Variants in ZSWIM8 observed in about 807,000 individuals in gnomAD.
The protein encoded by ZSWIM8 is zinc finger SWIM-type containing 8, also known as zinc finger SWIM domain-containing protein 8.
In ZSWIM8, 27 loss-of-function variants were observed where a neutral mutation model predicts 173.7. That is an observed-to-expected ratio of 0.16 (90% CI 0.11 to 0.21). The LOEUF (loss-of-function observed/expected upper bound fraction) is 0.21, where lower values mean the gene tolerates loss of function less well. Among genes scored for constraint, ZSWIM8 ranks in the 10% least tolerant of loss-of-function variants. ZSWIM8 has a pLI of 1.00. For missense variants in ZSWIM8, 1,627 were observed against 2,428.8 expected (o/e 0.67, Z 6.94); for synonymous variants, 958 against 962.0 (o/e 1.00, Z 0.08).
rs2083731052 is a variant in ZSWIM8 at position 73,797,665 on chromosome 10, A to G, written c.3662+60A>G. On this transcript the variant is annotated intron_variant, in intron 18 of 25. Transcript: ENST00000604729. This position sits in a 1 kb window ranked among gnomAD's most constrained non-coding sequence, Gnocchi z 5.6. Reference sequence around the variant, plus strand: ...GGCCCACCCTCAGAGCCACACCCCTAGTGCAATCCAACCATTGTCTCCCAG... The same window carrying G: ...GGCCCACCCTCAGAGCCACACCCCTGGTGCAATCCAACCATTGTCTCCCAG... The G allele has an allele frequency of 1.3e-6, 2 of 1,583,294 alleles. No homozygotes were observed. Among genetic ancestry groups the G allele is most frequent in the South Asian group, 2.3e-5 (2 of 87,926 alleles).
chr10:73,790,157 GC>G lies in ZSWIM8; in HGVS notation c.821-13del, dbSNP rs769733558. On this transcript the variant is annotated splice_polypyrimidine_tract_variant and intron_variant, in intron 6 of 25. Coordinates refer to ENST00000604729, the MANE Select transcript of ZSWIM8 (RefSeq NM_001367799.1). ...GGCCCCTATCTCTAGATGACTGACT[GC>G]CTGTCATCCTCAGACCCCACAGCAG... is the stretch of plus-strand genomic sequence containing the variant. 27 of 1,610,602 alleles carry G rather than the reference GC, an allele frequency of 1.7e-5. No individual in the cohort carries two copies. Among genetic ancestry groups the G allele is most frequent in the Non-Finnish European group, 2.3e-5 (27 of 1,177,934 alleles).
Position 73,796,770 on chromosome 10 carries a change from C to G in ZSWIM8, c.3034-4C>G. 3.1e-6 allele frequency: 5 copies of G among 1,612,504 alleles called. No individual in the cohort carries two copies. The highest frequency in any genetic ancestry group is 4.2e-6 in the Non-Finnish European group (5 of 1,179,822). On this transcript the variant is annotated splice_polypyrimidine_tract_variant and splice_region_variant and intron_variant, in intron 15 of 25. Transcript: ENST00000604729. The stretch of plus-strand genomic sequence containing the variant: ...CTCTGGAGGTCACTGCTTCTGTCTT[C>G]CAGATCTTAGACAAACTCTTGGACC...
chr10:73,794,413 G>C (rs2083533582), intron 13 of ZSWIM8, 83 bp downstream of exon 13: 3 of 1,570,456 alleles, frequency 1.9e-6, no homozygotes, highest in Admixed American at 1.8e-5. Flanking sequence ...CCAAGTTTCT[G>C]AATCACCTTT....
chr10:73,791,243 C>G lies in ZSWIM8; in HGVS notation c.1143+67C>G. 1 of 1,569,492 alleles carries G rather than the reference C, an allele frequency of 6.4e-7. No homozygotes were observed. Among genetic ancestry groups the G allele is most frequent in the Admixed American group, 1.7e-5 (1 of 57,456 alleles). ...TTCCCTCCCCCTGCCTCATCCTCCT[C>G]TTGCTGAAATGGACTCTGGGAGGGC... On this transcript the variant is annotated intron_variant, in intron 8 of 25. Transcript: ENST00000604729. This position sits in a 1 kb window ranked among gnomAD's most constrained non-coding sequence, Gnocchi z 6.0.
Position 73,789,949 on chromosome 10 carries a change from C to G in ZSWIM8, c.739-7C>G, listed in dbSNP as rs1393753921. 2 of 1,612,032 alleles carry G rather than the reference C, an allele frequency of 1.2e-6. No individual in the cohort carries two copies. Among genetic ancestry groups the G allele is most frequent in the Non-Finnish European group, 1.7e-6 (2 of 1,179,034 alleles). On this transcript the variant is annotated splice_polypyrimidine_tract_variant and splice_region_variant and intron_variant, in intron 5 of 25. Coordinates refer to ENST00000604729, the MANE Select transcript of ZSWIM8 (RefSeq NM_001367799.1). This position sits in a 1 kb window ranked among gnomAD's most constrained non-coding sequence, Gnocchi z 6.8. Reference sequence around the variant, plus strand: ...GTTCTGCCTGCCTCCGTCTCTTTCTCCCTCAGATCCTCCCCACAGCTCAGC... The same window carrying G: ...GTTCTGCCTGCCTCCGTCTCTTTCTGCCTCAGATCCTCCCCACAGCTCAGC...
chr10:73,795,044 C>T (rs556960092), intron 14 of ZSWIM8: 182 of 181,688 alleles, frequency 1.0e-3, no homozygotes, highest in African/African-American at 4.2e-3. Flanking sequence ...ATTGAGGCTG[C>T]AGTGAACTGT....
intron 20 of ZSWIM8, 74 bp from the exon 21 acceptor site, chr10:73,798,928 A>G (rs899906943): frequency 6.6e-7 from 1 of 1,525,298 alleles, no homozygotes; most frequent in Non-Finnish European, 8.8e-7. Context: ...TGAGGGAGAC[A>G]TTGGAATCTC....
Position 73,797,075 on chromosome 10 carries a change from T to A in ZSWIM8, c.3275-38T>A. Reference sequence around the variant, plus strand: ...TGTGGACCTATGTTGAGGTCCCCTTTCCTGGGCTCATCCCAGCGTCCTGTT... The same window carrying A: ...TGTGGACCTATGTTGAGGTCCCCTTACCTGGGCTCATCCCAGCGTCCTGTT... On this transcript the variant is annotated intron_variant, in intron 16 of 25. Transcript: ENST00000604729. This position sits in a 1 kb window ranked among gnomAD's most constrained non-coding sequence, Gnocchi z 5.6. 1 of 1,613,176 alleles carries A rather than the reference T, an allele frequency of 6.2e-7. No individual in the cohort carries two copies. The highest frequency in any genetic ancestry group is 8.5e-7 in the Non-Finnish European group (1 of 1,179,432).
chr10:73,797,390 T>C lies in ZSWIM8; in HGVS notation c.3447T>C (p.Ile1149=), dbSNP rs747448688. 1.9e-6 allele frequency: 3 copies of C among 1,613,890 alleles called. No individual in the cohort carries two copies. The highest frequency in any genetic ancestry group is 2.5e-6 in the Non-Finnish European group (3 of 1,179,830). Residue 1149 remains isoleucine, a synonymous_variant, in exon 18 of 26, where the codon ATT becomes ATC. Transcript: ENST00000604729. This position sits in a 1 kb window ranked among gnomAD's most constrained non-coding sequence, Gnocchi z 5.6. ...PKKKHTGMAS[I]DSSAPETTSD... ...CTTGGGGGTTAGGCATGGCCAGCAT[T>C]GACAGCAGTGCCCCTGAAACAACAT... is the stretch of plus-strand genomic sequence containing the variant.
chr10:73,785,911 A>G lies in ZSWIM8; in HGVS notation c.33A>G (p.Gly11=). 1.3e-6 allele frequency: 2 copies of G among 1,549,596 alleles called. No homozygotes were observed. The highest frequency in any genetic ancestry group is 2.5e-5 in the East Asian group (1 of 40,560). MELMFAEWED[G]ERFSFEDSDR... Reference sequence around the variant, plus strand: ...TGATGTTTGCAGAGTGGGAGGACGGAGAGCGCTTCTCATTCGAGGATTCGG... The same window carrying G: ...TGATGTTTGCAGAGTGGGAGGACGGGGAGCGCTTCTCATTCGAGGATTCGG... The change falls in exon 1 of 26, where the codon GGA becomes GGG. Residue 11 remains glycine (G), a synonymous_variant. Transcript: ENST00000604729.
chr10:73,798,211 T>G lies in ZSWIM8; in HGVS notation c.3953-19T>G. ...TGCCCACACTAACCCAACTCTGCCCTTCTCTCCTTTCCCCTAAGGCCAGGC... is the reference window on the plus strand; with the variant it reads ...TGCCCACACTAACCCAACTCTGCCCGTCTCTCCTTTCCCCTAAGGCCAGGC... On this transcript the variant is annotated intron_variant, in intron 19 of 25. Transcript: ENST00000604729. 1.2e-6 allele frequency: 2 copies of G among 1,612,806 alleles called. No individual in the cohort carries two copies. The highest frequency in any genetic ancestry group is 2.2e-5 in the South Asian group (2 of 91,044).
chr10:73,800,219 G>T lies in ZSWIM8; in HGVS notation c.4825+49G>T. The T allele has an allele frequency of 1.2e-6, 2 of 1,612,306 alleles. No individual in the cohort carries two copies. Among genetic ancestry groups the T allele is most frequent in the Non-Finnish European group, 1.7e-6 (2 of 1,178,832 alleles). Reference sequence around the variant, plus strand: ...GGTGAATGGAGGGGAGGCACACTGGGCAGGGGAGGTGGGGAGGGAATGTTC... The same window carrying T: ...GGTGAATGGAGGGGAGGCACACTGGTCAGGGGAGGTGGGGAGGGAATGTTC... On this transcript the variant is annotated intron_variant, in intron 22 of 25. Coordinates refer to ENST00000604729, the MANE Select transcript of ZSWIM8 (RefSeq NM_001367799.1). The surrounding 1 kb of genome is among the most constrained non-coding windows in gnomAD (Gnocchi z 4.1).
In ZSWIM8 at chr10:73,791,966, G is replaced by A. The variant is rs1237350293; in HGVS notation, c.1427G>A (p.Arg476Gln). ...CTGGAGCGGCTCTTCCCCGGCTTCC[G>A]GCCAGCGGTGGAGGCCTGCTACTTC... Reference protein sequence around the residue: ...KTLERLFPGFRPAVEACYFNW... With the variant: ...KTLERLFPGFQPAVEACYFNW... Residue 476 changes from arginine (R) to glutamine (Q), a missense_variant, in exon 10 of 26, where the codon CGG becomes CAG. This residue lies in a region of ZSWIM8 where 103 missense variants were observed against 155.6 expected (regional missense o/e 0.66). Coordinates refer to ENST00000604729, the MANE Select transcript of ZSWIM8 (RefSeq NM_001367799.1). The surrounding 1 kb of genome is among the most constrained non-coding windows in gnomAD (Gnocchi z 6.0). 12 of 1,550,986 alleles carry A rather than the reference G, an allele frequency of 7.7e-6. No homozygotes were observed. Among genetic ancestry groups the A allele is most frequent in the Admixed American group, 3.9e-5 (2 of 50,982 alleles).
Position 73,797,064 on chromosome 10 carries a change from G to A in ZSWIM8, c.3275-49G>A, listed in dbSNP as rs1223202434. On this transcript the variant is annotated intron_variant, in intron 16 of 25. Coordinates refer to ENST00000604729, the MANE Select transcript of ZSWIM8 (RefSeq NM_001367799.1). The surrounding 1 kb of genome is among the most constrained non-coding windows in gnomAD (Gnocchi z 5.6). Reference sequence around the variant, plus strand: ...GGGATGAATGGTGTGGACCTATGTTGAGGTCCCCTTTCCTGGGCTCATCCC... The same window carrying A: ...GGGATGAATGGTGTGGACCTATGTTAAGGTCCCCTTTCCTGGGCTCATCCC... 1 of 1,612,432 alleles carries A rather than the reference G, an allele frequency of 6.2e-7. No individual in the cohort carries two copies. Among genetic ancestry groups the A allele is most frequent in the African/African-American group, 1.3e-5 (1 of 74,848 alleles).
Position 73,793,950 on chromosome 10 carries a change from T to C in ZSWIM8, c.2531T>C (p.Leu844Pro). The C allele has an allele frequency of 6.2e-7, 1 of 1,613,590 alleles. No individual in the cohort carries two copies. Among genetic ancestry groups the C allele is most frequent in the Non-Finnish European group, 8.5e-7 (1 of 1,179,700 alleles). ...AAGGCGGCCTTCCTGTTGACAGTGC[T>C]AAGTGAGCGTCCAGAGCACCACAAC... Reference protein sequence around the residue: ...LSKAAFLLTVLSERPEHHNLA... With the variant: ...LSKAAFLLTVPSERPEHHNLA... Residue 844 changes from leucine to proline, a missense_variant, in exon 12 of 26, where the codon CTA (leucine) becomes CCA (proline). Leu to Pro is a moderately conservative substitution (Grantham distance 98, BLOSUM62 -3). Transcript: ENST00000604729.
At chr10:73,788,190 CT>C (rs2083290279) in intron 1 of ZSWIM8, among the ~76,000 whole-genome samples, 1 of 150,060 alleles carries the variant, frequency 6.7e-6, no homozygotes, top group Non-Finnish European at 1.5e-5. Context: ...TCTGGTCTAT[CT>C]TGTCTCCTTA....
intron 15 of ZSWIM8, 51 bp downstream of exon 15, chr10:73,795,714 T>G: frequency 1.9e-6 from 3 of 1,579,914 alleles, no homozygotes; most frequent in Non-Finnish European, 2.6e-6. Context: ...TCCCAGCAGT[T>G]TGGGAGGCAG....
In ZSWIM8 at chr10:73,792,911, T is replaced by A; in HGVS notation, c.2313+59T>A. 1 of 1,495,776 alleles carries A rather than the reference T, an allele frequency of 6.7e-7. No individual in the cohort carries two copies. The highest frequency in any genetic ancestry group is 1.3e-5 in the South Asian group (1 of 75,560). 92.7% of individuals were successfully genotyped at this position (1,495,776 alleles called of 1,614,324 possible). On this transcript the variant is annotated intron_variant, in intron 10 of 25. Coordinates refer to ENST00000604729, the MANE Select transcript of ZSWIM8 (RefSeq NM_001367799.1). The surrounding 1 kb of genome is among the most constrained non-coding windows in gnomAD (Gnocchi z 4.3). Reference sequence around the variant, plus strand: ...CCTTAGCCACAACTGGGAGGGGCTATCTAGCTCTAGTTGGGAGTGTCAGGA... The same window carrying A: ...CCTTAGCCACAACTGGGAGGGGCTAACTAGCTCTAGTTGGGAGTGTCAGGA...
chr10:73,801,408 G>T lies in ZSWIM8; in HGVS notation c.5394G>T (p.Thr1798=). 2 of 1,613,984 alleles carry T rather than the reference G, an allele frequency of 1.2e-6. No homozygotes were observed. The highest frequency in any genetic ancestry group is 1.7e-6 in the Non-Finnish European group (2 of 1,179,888). ...GTGCCCGCAGCGCCTTCTGCCTGACGCCCATGGGCATGATGCAGTTCAACG... is the reference window on the plus strand; with the variant it reads ...GTGCCCGCAGCGCCTTCTGCCTGACTCCCATGGGCATGATGCAGTTCAACG... ...IRSARSAFCL[T]PMGMMQFNDI... is the part of the protein sequence containing the mutation. The change falls in exon 26 of 26, where the codon ACG becomes ACT. Residue 1798 remains threonine (T), a synonymous_variant. Transcript: ENST00000604729. This position sits in a 1 kb window ranked among gnomAD's most constrained non-coding sequence, Gnocchi z 4.9.
Sources: gnomAD v4.1 joint callset for allele counts (sites outside exome capture counted in the v4.1 genomes callset) on GRCh38, gnomAD v4.1.1 for gene constraint, gnomAD v4.1.1 regional missense constraint, Gnocchi (gnomAD v3.1) non-coding constraint, MANE v1.5 for transcripts, NCBI Gene and HGNC (gene_info 2026-07-23, HGNC 2026-07-21) for gene names.